Variants in ABCA10 observed in about 807,000 individuals in gnomAD.
ABCA10 encodes ATP-binding cassette sub-family A member 10.
ABCA10 carries 169 observed loss-of-function variants against 187.5 expected under a neutral mutation model. The observed-to-expected ratio is 0.90, with a 90% CI of 0.80 to 1.02. ABCA10 has a LOEUF of 1.02. ABCA10 is among the 50% of genes least tolerant of loss of function. The pLI is 0.00. For missense variants in ABCA10, 1,727 were observed against 1,812.4 expected (o/e 0.95, Z 0.86); for synonymous variants, 574 against 601.8 (o/e 0.95, Z 0.68).
At chr17:69,168,279 A>G (rs4968785) in intron 25 of ABCA10, among the ~76,000 whole-genome samples, 114,108 of 151,964 alleles carry the variant, frequency 0.75, 43,450 homozygotes, top group African/African-American at 0.85. Context: ...CAATTGCATG[A>G]GGGTAGGGGG....
chr17:69,193,030 C>A, intron 15 of ABCA10, 80 bp downstream of exon 15: 1 of 1,498,630 alleles, frequency 6.7e-7, no homozygotes. Flanking sequence ...AGATTTTCTT[C>A]TTTTGAAAAC....
Position 69,214,751 on chromosome 17 carries a change from G to A in ABCA10, c.959C>T (p.Thr320Ile). The A allele has an allele frequency of 1.3e-6, 2 of 1,518,916 alleles. No individual in the cohort carries two copies. Among genetic ancestry groups the A allele is most frequent in the Non-Finnish European group, 1.8e-6 (2 of 1,141,894 alleles). 94.1% of individuals were successfully genotyped at this position (1,518,916 alleles called of 1,614,324 possible). ...IATFFILAFD[T>I]LFYLIFTLYF... is the part of the protein sequence containing the mutation. ...TAATGTGAATATCAAATAGAAAAGA[G>A]TATCAAATGCCAAAATGAAAAAAGT... Residue 320 changes from threonine to isoleucine, a missense_variant, in exon 9 of 39, where the codon ACT becomes ATT. Physicochemically the swap from Thr to Ile is moderately conservative, Grantham distance 89. Coordinates refer to ENST00000690296, the MANE Select transcript of ABCA10 (RefSeq NM_001377321.1).
intron 9 of ABCA10, among the ~76,000 whole-genome samples, chr17:69,208,332 G>A (rs2074607184): frequency 6.7e-6 from 1 of 149,346 alleles, no homozygotes; most frequent in Admixed American, 6.8e-5. Context: ...GCAGGAGAAT[G>A]GCGTGAACCC....
chr17:69,158,029 G>T (rs2074187393), intron 27 of ABCA10, among the ~76,000 whole-genome samples: 1 of 151,884 alleles, frequency 6.6e-6, no homozygotes, highest in African/African-American at 2.4e-5. Context: ...GAAGATTCCA[G>T]ATTCATTCTT....
chr17:69,152,778 C>G (rs555356324), intron 34 of ABCA10, among the ~76,000 whole-genome samples: 8 of 147,600 alleles, frequency 5.4e-5, no homozygotes, highest in Non-Finnish European at 1.2e-4. Context: ...TGGAGAAAGA[C>G]CCTGTGTCAA....
intron 36 of ABCA10, among the ~76,000 whole-genome samples, chr17:69,151,295 A>G (rs992378347): frequency 5.3e-5 from 8 of 152,204 alleles, no homozygotes; most frequent in Non-Finnish European, 1.0e-4. Context: ...GCTCAGTCTT[A>G]AAGTCCTACC....
intron 27 of ABCA10, 59 bp from the exon 28 acceptor site, chr17:69,156,982 G>A (rs767106372): frequency 7.9e-6 from 8 of 1,014,742 alleles, no homozygotes; most frequent in Non-Finnish European, 1.1e-5. Context: ...ACTCAATGGT[G>A]AATATTTGTC....
Position 69,182,721 on chromosome 17 carries a change from T to C in ABCA10, c.2585A>G (p.Asp862Gly). The part of the protein sequence containing the change: ...IDDFRNRNGS[D>G]DPSYNGAIIV... ...GATGGCTCCATTGTAGGAGGGATCA[T>C]CTGAGCCATTTCTGTTTCTAAAGTC... The change falls in exon 21 of 39, where the codon GAT becomes GGT. Residue 862 changes from aspartate (D) to glycine (G), a missense_variant. Asp to Gly is a moderately conservative substitution (Grantham distance 94). Coordinates refer to ENST00000690296, the MANE Select transcript of ABCA10 (RefSeq NM_001377321.1). The C allele has an allele frequency of 6.2e-7, 1 of 1,612,426 alleles. No homozygotes were observed.
intron 9 of ABCA10, among the ~76,000 whole-genome samples, chr17:69,202,063 G>A (rs1004552067): frequency 6.6e-6 from 1 of 152,158 alleles, no homozygotes; most frequent in African/African-American, 2.4e-5. Flanking sequence ...GATTACAGGC[G>A]TGAGCCACCG....
intron 1 of ABCA10, among the ~76,000 whole-genome samples, chr17:69,235,779 AAAGAAAAC>A (rs1215754424): frequency 1.4e-5 from 2 of 148,044 alleles, no homozygotes; most frequent in African/African-American, 5.0e-5. Context: ...GATTTAAAAA[AAAGAAAAC>A]AAAAAAAACA....
intron 10 of ABCA10, 53 bp from the exon 11 acceptor site, chr17:69,197,175 C>G (rs1217733229): frequency 7.3e-7 from 1 of 1,369,616 alleles, no homozygotes; most frequent in Non-Finnish European, 1.0e-6. Flanking sequence ...GTATTAATAA[C>G]ACAGATTACA....
At chr17:69,208,359 A>G (rs1430943097) in intron 9 of ABCA10, among the ~76,000 whole-genome samples, 1 of 147,546 alleles carries the variant, frequency 6.8e-6, no homozygotes, top group Non-Finnish European at 1.5e-5. Flanking sequence ...TGGAGCTTGC[A>G]GCGACCAAGA....
At chr17:69,176,659 G>A (rs897716919) in intron 22 of ABCA10, among the ~76,000 whole-genome samples, 2 of 151,996 alleles carry the variant, frequency 1.3e-5, no homozygotes, top group African/African-American at 2.4e-5. Context: ...CCATGTTGTT[G>A]ATCCTGTTGC....
chr17:69,162,895 A>G (rs2074228732), intron 27 of ABCA10, among the ~76,000 whole-genome samples: 1 of 144,954 alleles, frequency 6.9e-6, no homozygotes, highest in Non-Finnish European at 1.5e-5. Flanking sequence ...CTGGAGTGCA[A>G]TGGCACAATC....
At chr17:69,219,941 T>A (rs1269511518) in intron 5 of ABCA10, among the ~76,000 whole-genome samples, 170 bp from the exon 6 acceptor site, 5 of 152,230 alleles carry the variant, frequency 3.3e-5, no homozygotes, top group Non-Finnish European at 1.5e-5. Context: ...TGACATTAAT[T>A]ATAAGAGTCA....
chr17:69,195,554 CTT>C (rs59069489), intron 11 of ABCA10, among the ~76,000 whole-genome samples: 59 of 102,976 alleles, frequency 5.7e-4, no homozygotes, highest in Middle Eastern at 7.0e-3. Context: ...TGAAGTTTTT[CTT>C]TTTTTTTTTT....
intron 21 of ABCA10, 148 bp downstream of exon 21, chr17:69,182,527 T>C: frequency 9.4e-7 from 1 of 1,060,880 alleles, no homozygotes; most frequent in Non-Finnish European, 1.3e-6. Flanking sequence ...AATATTTATA[T>C]TTTATGTGAC....
chr17:69,164,475 A>C (rs2074241117), intron 26 of ABCA10, among the ~76,000 whole-genome samples: 1 of 152,196 alleles, frequency 6.6e-6, no homozygotes, highest in Non-Finnish European at 1.5e-5. Flanking sequence ...AGTGGTATTT[A>C]GTTTCTGTCA....
chr17:69,233,457 A>T (rs1238305181), upstream of ABCA10: 1 of 151,740 alleles, frequency 6.6e-6, no homozygotes, highest in Non-Finnish European at 1.5e-5. Context: ...TAAATTTCTG[A>T]ATTGTTTTTC....
Sources: allele counts gnomAD v4.1 joint callset (sites outside exome capture counted in the v4.1 genomes callset), GRCh38; gene constraint gnomAD v4.1.1; transcripts MANE v1.5; gene names NCBI Gene and HGNC (gene_info 2026-07-23, HGNC 2026-07-21).